LCN8: variants seen among roughly 807,000 people sequenced by gnomAD.
The protein encoded by LCN8 is epididymal-specific lipocalin-8.
LCN8 carries 16 observed loss-of-function variants against 22.8 expected under a neutral mutation model. The observed-to-expected ratio is 0.70, with a 90% CI of 0.47 to 1.06. The LOEUF (loss-of-function observed/expected upper bound fraction) is 1.06, where lower values mean the gene tolerates loss of function less well. Ranked by LOEUF, LCN8 falls within the 50% of genes least tolerant of loss-of-function variation. The probability of loss-of-function intolerance (pLI) is 0.00; values close to 1 mark genes in which losing one functional copy is unlikely to be tolerated. For missense variants in LCN8, 189 were observed against 203.3 expected (o/e 0.93, Z 0.43); for synonymous variants, 92 against 83.4 (o/e 1.10, Z -0.56).
intron 2 of LCN8, 80 bp from the exon 3 acceptor site, chr9:136,756,672 G>A: frequency 6.3e-7 from 1 of 1,574,914 alleles, no homozygotes; most frequent in East Asian, 2.2e-5. Flanking sequence ...GTGGGGCTGT[G>A]TCTTTAGGAA....
At position 136,757,910 on chromosome 9, in the gene LCN8, C is replaced by T. The variant is rs1847248818; in HGVS notation, c.21G>A (p.Gln7=). The T allele has an allele frequency of 6.2e-7, 1 of 1,613,672 alleles. No homozygotes were observed. Among genetic ancestry groups the T allele is most frequent in the African/African-American group, 1.3e-5 (1 of 74,942 alleles). ...CCAACTAAGAAGGAGAAGCCACCTT[C>T]TGCCGGTCCAGCTCCTCCATGGCTG... MEELDR[Q]KIGGFWREVG... Residue 7 remains glutamine (Q), a synonymous_variant, in exon 1 of 7, where the codon CAG becomes CAA. Transcript: ENST00000371688.
Position 136,754,512 on chromosome 9 carries a change from G to A in LCN8, c.448-3C>T, listed in dbSNP as rs1847136213. 1.9e-6 allele frequency: 3 copies of A among 1,553,938 alleles called. No homozygotes were observed. The East Asian group carries it at 7.2e-5, about 37-fold the overall frequency. ...CAGGAACTCCATTAAATCAGCTCCT[G>A]CGACACAGAAGTGCAGGGGCTCAGG... On this transcript the variant is annotated splice_polypyrimidine_tract_variant and splice_region_variant and intron_variant, in intron 6 of 6. Coordinates refer to ENST00000371688, the MANE Select transcript of LCN8 (RefSeq NM_178469.4).
chr9:136,757,837 G>C, intron 1 of LCN8, 70 bp downstream of exon 1: 1 of 1,612,682 alleles, frequency 6.2e-7, no homozygotes, highest in Non-Finnish European at 8.5e-7. Context: ...CACCGGGAGA[G>C]GCCTCCTTCC....
intron 1 of LCN8, chr9:136,757,502 A>AG: frequency 1.5e-6 from 2 of 1,347,216 alleles, no homozygotes; most frequent in Non-Finnish European, 1.9e-6. Context: ...CCAGGAGCAG[A>AG]GGCCTGGAAA....
intron 2 of LCN8, 135 bp from the exon 3 acceptor site, chr9:136,756,727 G>A (rs1439083887): frequency 1.5e-6 from 2 of 1,378,768 alleles, no homozygotes; most frequent in African/African-American, 1.4e-5. Flanking sequence ...GGAGCAGGAT[G>A]AGGCGGGGAA....
chr9:136,755,158 G>T lies in LCN8; in HGVS notation c.424C>A (p.Arg142=). ...ACCTCCTTCAGGAGCTCGGCACACC[G>T]CCCTGCAGGATAGGCCAGCATGAGG... The part of the protein sequence containing the change: ...TGLYLAARPG[R]CAELLKEELI The change falls in exon 6 of 7, where the codon CGG becomes AGG. Residue 142 remains arginine (R), a splice_region_variant and synonymous_variant. Coordinates refer to ENST00000371688, the MANE Select transcript of LCN8 (RefSeq NM_178469.4). The T allele has an allele frequency of 1.9e-6, 3 of 1,596,868 alleles. No individual in the cohort carries two copies. Among genetic ancestry groups the T allele is most frequent in the Non-Finnish European group, 2.6e-6 (3 of 1,170,864 alleles).
chr9:136,756,106 A>G (rs1247060422), intron 3 of LCN8: 2 of 1,031,950 alleles, frequency 1.9e-6, no homozygotes, highest in Admixed American at 2.9e-5. Flanking sequence ...GGAACAGTGC[A>G]GGGAACAGCA....
At position 136,755,438 on chromosome 9, in the gene LCN8, CTG is replaced by C; in HGVS notation, c.303_304del (p.Arg102GlufsTer13). On this transcript the variant is annotated frameshift_variant, in exon 4 of 7. Transcript: ENST00000371688. LOFTEE classifies it high-confidence loss of function. ...AAAGTACTTGAGGACGCGAAAGTTCCTGCCCCGCCACATCAGGGACACCCGCA... is the reference window on the plus strand; with the variant it reads ...AAAGTACTTGAGGACGCGAAAGTTCCCCCCGCCACATCAGGGACACCCGCA... 6.2e-7 allele frequency: 1 copy of C among 1,611,236 alleles called. No homozygotes were observed. The highest frequency in any genetic ancestry group is 1.3e-5 in the African/African-American group (1 of 75,046).
Position 136,754,450 on chromosome 9 carries a change from AG to A in LCN8, c.*47del. On this transcript the variant is annotated 3_prime_UTR_variant, in exon 7 of 7. Transcript: ENST00000371688. Reference sequence around the variant, plus strand: ...GGTGGGCAGGGTGCCCAGGAGGGGCAGGGGTGGGCGGGCGCTCCGAACCTTG... The same window carrying A: ...GGTGGGCAGGGTGCCCAGGAGGGGCAGGGTGGGCGGGCGCTCCGAACCTTG... 1 of 813,392 alleles carries A rather than the reference AG, an allele frequency of 1.2e-6. No individual in the cohort carries two copies. 50.4% of individuals were successfully genotyped at this position (813,392 alleles called of 1,614,324 possible).
Position 136,757,958 on chromosome 9 carries a change from C to A in LCN8, c.-28G>T, listed in dbSNP as rs778798514. ...CTGCTGCCACCTGCGCCCGGAGCAC[C>A]ACGAGGACACCCAGGATGGTGCACG... On this transcript the variant is annotated 5_prime_UTR_variant, in exon 1 of 7. Transcript: ENST00000371688. The A allele has an allele frequency of 1.2e-6, 2 of 1,612,594 alleles. No homozygotes were observed. Among genetic ancestry groups the A allele is most frequent in the Admixed American group, 1.7e-5 (1 of 59,994 alleles).
intron 3 of LCN8, chr9:136,755,792 G>GAGCAGGGAACCC: frequency 6.8e-7 from 1 of 1,472,628 alleles, no homozygotes; most frequent in Non-Finnish European, 9.0e-7. Context: ...ATGGGGAACA[G>GAGCAGGGAACCC]TGCAGGGAAC....
In LCN8 at chr9:136,756,153, CA is replaced by C. The variant is rs1297477170; in HGVS notation, c.226+368del. On this transcript the variant is annotated intron_variant, in intron 3 of 6. Transcript: ENST00000371688. Reference sequence around the variant, plus strand: ...GCAGGGAACAGCATGTGGAACAGCGCAGGGAACAGCATGAGGAACAGTGCAG... The same window carrying C: ...GCAGGGAACAGCATGTGGAACAGCGCGGGAACAGCATGAGGAACAGTGCAG... The C allele has an allele frequency of 6.0e-4, 546 of 908,288 alleles. 3 individuals are homozygous for C. Among genetic ancestry groups the C allele is most frequent in the Admixed American group, 1.4e-3 (36 of 26,494 alleles). The allele number at this position is 908,288 out of a possible 1,614,324, so 56.3% of individuals were successfully genotyped here.
Position 136,755,808 on chromosome 9 carries a change from GGGGAACAGTGCA to G in LCN8, c.227-304_227-293del, listed in dbSNP as rs963428636. 2.3e-5 allele frequency: 9 copies of G among 390,790 alleles called. No homozygotes were observed. In the East Asian group the frequency reaches 8.4e-4, roughly 36 times the overall value. 24.2% of individuals were successfully genotyped at this position (390,790 alleles called of 1,614,324 possible). ...TGGGGAACAGTGCAGGGAACAGCAT[GGGGAACAGTGCA>G]GGGAACAGTGCAGGGAATGCATGGG... On this transcript the variant is annotated intron_variant, in intron 3 of 6. Coordinates refer to ENST00000371688, the MANE Select transcript of LCN8 (RefSeq NM_178469.4).
At chr9:136,754,717 G>T in intron 6 of LCN8, 1 of 1,406,790 alleles carries the variant, frequency 7.1e-7, no homozygotes, top group East Asian at 2.7e-5. Flanking sequence ...GAGACACTGG[G>T]TTCTCGCAGT....
In LCN8 at chr9:136,755,168, A is replaced by G. The variant is rs369843164; in HGVS notation, c.422-8T>C. The G allele has an allele frequency of 2.2e-5, 36 of 1,602,732 alleles. No homozygotes were observed. The highest frequency in any genetic ancestry group is 3.1e-5 in the Non-Finnish European group (36 of 1,174,236). Reference sequence around the variant, plus strand: ...GGAGCTCGGCACACCGCCCTGCAGGATAGGCCAGCATGAGGAGCTGCAGAG... The same window carrying G: ...GGAGCTCGGCACACCGCCCTGCAGGGTAGGCCAGCATGAGGAGCTGCAGAG... On this transcript the variant is annotated splice_region_variant and splice_polypyrimidine_tract_variant and intron_variant, in intron 5 of 6. Coordinates refer to ENST00000371688, the MANE Select transcript of LCN8 (RefSeq NM_178469.4).
chr9:136,757,092 C>A lies in LCN8; in HGVS notation c.101G>T (p.Gly34Val), dbSNP rs757724862. 1 of 1,613,594 alleles carries A rather than the reference C, an allele frequency of 6.2e-7. No individual in the cohort carries two copies. Among genetic ancestry groups the A allele is most frequent in the Non-Finnish European group, 8.5e-7 (1 of 1,179,844 alleles). Residue 34 changes from glycine (G) to valine (V), a missense_variant, in exon 2 of 7, where the codon GGC (glycine) becomes GTC (valine). By Grantham distance (109) the Gly-to-Val change is moderately radical. Transcript: ENST00000371688. ...LVLTAPKRVEGLFLTLSGSNL... is the reference protein window; with the variant it reads ...LVLTAPKRVEVLFLTLSGSNL... ...ACTCCCGCTCAAGGTGAGGAACAAG[C>A]CCTCCACCCGCTTCGGGGCCGTCAG...
chr9:136,756,271 G>T, intron 3 of LCN8: 2 of 1,483,640 alleles, frequency 1.3e-6, no homozygotes, highest in Non-Finnish European at 1.8e-6. Context: ...AGAGAAAAGT[G>T]CAGGGAACAG....
chr9:136,757,292 G>C, intron 1 of LCN8, 124 bp from the exon 2 acceptor site: 8 of 1,479,298 alleles, frequency 5.4e-6, no homozygotes, highest in Non-Finnish European at 7.2e-6. Flanking sequence ...TGTGAGGCTC[G>C]GTGGCAAAGC....
chr9:136,754,575 A>C, intron 6 of LCN8, 66 bp from the exon 7 acceptor site: 3 of 1,529,838 alleles, frequency 2.0e-6, no homozygotes, highest in Non-Finnish European at 2.6e-6. Context: ...GGCTTCGATG[A>C]GGGCCACACG....
Sources: gnomAD v4.1 joint callset for allele counts on GRCh38, gnomAD v4.1.1 for gene constraint, MANE v1.5 for transcripts, NCBI Gene and HGNC (gene_info 2026-07-23, HGNC 2026-07-21) for gene names.